GREB1L: variants seen among roughly 807,000 people sequenced by gnomAD.
GREB1L encodes the protein GREB1 like retinoic acid receptor coactivator, also known as GREB1-like protein.
GREB1L carries 17 observed loss-of-function variants against 200.8 expected under a neutral mutation model. That is an observed-to-expected ratio of 0.08 (90% CI 0.06 to 0.13). The LOEUF (loss-of-function observed/expected upper bound fraction) is 0.13. GREB1L is among the 10% of genes least tolerant of loss of function. GREB1L has a pLI of 1.00. For missense variants in GREB1L, 1,657 were observed against 2,367.7 expected (o/e 0.70, Z 6.23); for synonymous variants, 789 against 893.0 (o/e 0.88, Z 2.08).
At chr18:21,283,350 T>G (rs939229701) in intron 1 of GREB1L, among the ~76,000 whole-genome samples, 6 of 152,240 alleles carry the variant, frequency 3.9e-5, no homozygotes, top group African/African-American at 1.4e-4. Flanking sequence ...GATATTATTT[T>G]GCTGAAAGGC....
At chr18:21,339,249 G>T (rs1376452705) in intron 1 of GREB1L, among the ~76,000 whole-genome samples, 2 of 152,020 alleles carry the variant, frequency 1.3e-5, no homozygotes, top group Non-Finnish European at 2.9e-5. Context: ...AGTGGAGTCA[G>T]AATGTATTTG....
intron 23 of GREB1L, among the ~76,000 whole-genome samples, chr18:21,501,236 G>A (rs1075582): frequency 0.017 from 2,588 of 151,016 alleles, 74 homozygotes; most frequent in African/African-American, 0.058. Context: ...AAGGCGTTTT[G>A]GTTTTTGGGC....
chr18:21,322,569 C>T (rs1357776570), intron 1 of GREB1L, among the ~76,000 whole-genome samples: 1 of 152,054 alleles, frequency 6.6e-6, no homozygotes. Context: ...AAAATTGATT[C>T]TCTAGTTCAT....
chr18:21,298,784 A>G (rs2038570450), intron 1 of GREB1L, among the ~76,000 whole-genome samples: 1 of 152,148 alleles, frequency 6.6e-6, no homozygotes, highest in Non-Finnish European at 1.5e-5. Flanking sequence ...AAATGTAAAA[A>G]TTAGCTGGGT....
intron 1 of GREB1L, among the ~76,000 whole-genome samples, chr18:21,248,734 T>C (rs2037648351): frequency 6.6e-6 from 1 of 152,240 alleles, no homozygotes; most frequent in African/African-American, 2.4e-5. Flanking sequence ...TGGTAGCCTC[T>C]AGCCACATGT....
intron 1 of GREB1L, among the ~76,000 whole-genome samples, chr18:21,265,001 T>C (rs1005735863): frequency 6.6e-6 from 1 of 152,196 alleles, no homozygotes; most frequent in African/African-American, 2.4e-5. Context: ...TTGCTGTTAC[T>C]AAGGTAACAG....
intron 15 of GREB1L, among the ~76,000 whole-genome samples, chr18:21,464,617 C>T (rs904238632): frequency 6.7e-6 from 1 of 150,090 alleles, no homozygotes; most frequent in Non-Finnish European, 1.5e-5. Flanking sequence ...GGATCAAAAG[C>T]TAACAAAGAG....
chr18:21,288,094 C>T (rs2038387621), intron 1 of GREB1L, among the ~76,000 whole-genome samples: 2 of 152,038 alleles, frequency 1.3e-5, no homozygotes, highest in South Asian at 4.1e-4. Flanking sequence ...TGAGCCACAG[C>T]GCCTGGCTTA....
intron 15 of GREB1L, 147 bp from the exon 16 acceptor site, chr18:21,472,884 A>G: frequency 1.9e-6 from 1 of 528,114 alleles, no homozygotes; most frequent in South Asian, 3.5e-5. Flanking sequence ...TGTGATGGGG[A>G]ACATAAGAAA....
intron 1 of GREB1L, among the ~76,000 whole-genome samples, chr18:21,257,000 G>A (rs1448186352): frequency 2.2e-4 from 24 of 108,688 alleles, no homozygotes; most frequent in Non-Finnish European, 2.9e-4. Context: ...GTGAGACTCC[G>A]TCTCAAAAAA....
chr18:21,333,267 A>C (rs2039134202), intron 1 of GREB1L, among the ~76,000 whole-genome samples: 1 of 152,174 alleles, frequency 6.6e-6, no homozygotes, highest in South Asian at 2.1e-4. Flanking sequence ...TTCATTTATT[A>C]ACTATTAATT....
At chr18:21,276,502 C>T (rs1338438163) in intron 1 of GREB1L, among the ~76,000 whole-genome samples, 1 of 152,162 alleles carries the variant, frequency 6.6e-6, no homozygotes, top group Non-Finnish European at 1.5e-5. Flanking sequence ...GGGTGGCCAG[C>T]CTAACCTTTC....
intron 1 of GREB1L, among the ~76,000 whole-genome samples, chr18:21,327,726 G>C (rs1468376841): frequency 6.6e-6 from 1 of 150,688 alleles, no homozygotes; most frequent in Non-Finnish European, 1.5e-5. Flanking sequence ...GTGGGGAGGT[G>C]GGGGGCACGG....
At chr18:21,313,744 T>C (rs2144826124) in intron 1 of GREB1L, among the ~76,000 whole-genome samples, 1 of 152,342 alleles carries the variant, frequency 6.6e-6, no homozygotes. Flanking sequence ...CCATTTGTCT[T>C]TCCGCTAAAA....
At chr18:21,410,451 T>G (rs1369547298) in intron 7 of GREB1L, among the ~76,000 whole-genome samples, 2 of 151,754 alleles carry the variant, frequency 1.3e-5, no homozygotes, top group African/African-American at 4.8e-5. Flanking sequence ...AGCCCCAAAG[T>G]TCAAGACCAG....
intron 27 of GREB1L, 122 bp downstream of exon 27, chr18:21,508,713 C>CA (rs2037118520): frequency 8.5e-6 from 3 of 354,078 alleles, no homozygotes; most frequent in Non-Finnish European, 1.0e-5. Flanking sequence ...CACCACTCTT[C>CA]GGAAAAAAAA....
Position 21,485,778 on chromosome 18 carries a change from C to T in GREB1L, c.2690+25C>T, listed in dbSNP as rs767756279. ...GGTAAATAGTAAATAAGGCCTTCTGCTCTTCTCTCTAGCTGTACTTGCAGA... is the reference window on the plus strand; with the variant it reads ...GGTAAATAGTAAATAAGGCCTTCTGTTCTTCTCTCTAGCTGTACTTGCAGA... On this transcript the variant is annotated intron_variant, in intron 18 of 32. Transcript: ENST00000424526. 5 of 1,548,342 alleles carry T rather than the reference C, an allele frequency of 3.2e-6. No homozygotes were observed. In the South Asian group the frequency reaches 4.8e-5, roughly 15 times the overall value.
At chr18:21,495,865 C>A in intron 20 of GREB1L, 80 bp downstream of exon 20, 3 of 732,904 alleles carry the variant, frequency 4.1e-6, no homozygotes, top group Non-Finnish European at 6.8e-6. Flanking sequence ...ATGGCCCAGT[C>A]ATTTCCTTTG....
intron 18 of GREB1L, among the ~76,000 whole-genome samples, chr18:21,488,848 G>A (rs1192514103): frequency 6.6e-6 from 1 of 152,020 alleles, no homozygotes; most frequent in Non-Finnish European, 1.5e-5. Flanking sequence ...GTAGAGATGG[G>A]GTTTCACCAT....
Sources: gnomAD v4.1 joint callset for allele counts (sites outside exome capture counted in the v4.1 genomes callset) on GRCh38, gnomAD v4.1.1 for gene constraint, MANE v1.5 for transcripts, NCBI Gene and HGNC (gene_info 2026-07-23, HGNC 2026-07-21) for gene names.